The following JPH3 variants were observed in gnomAD, a reference collection of about 807,000 sequenced individuals.
The protein encoded by JPH3 is junctophilin-3.
A neutral mutation model predicts 59.6 loss-of-function variants in JPH3; 11 were observed. The ratio of observed to expected loss-of-function variants is 0.18; its 90% CI spans 0.12 to 0.31. The LOEUF (loss-of-function observed/expected upper bound fraction) is 0.31, where lower values mean the gene tolerates loss of function less well. Ranked by LOEUF, JPH3 falls within the 10% of genes least tolerant of loss-of-function variation. JPH3 has a pLI of 1.00. For synonymous variants in JPH3, 673 were observed against 483.6 expected, an observed-to-expected ratio of 1.39 and a Z score of -5.14; for missense variants, 1,202 against 1,105.7, an observed-to-expected ratio of 1.09 and a Z score of -1.24.
intron 4 of JPH3, among the ~76,000 whole-genome samples, chr16:87,691,159 G>A (rs1011499171): frequency 1.2e-4 from 18 of 151,744 alleles, no homozygotes; most frequent in Admixed American, 4.6e-4. Context: ...GGCTAGACTC[G>A]GCGCGAGGCT....
At chr16:87,626,102 G>C (rs529713766) in intron 1 of JPH3, among the ~76,000 whole-genome samples, 14 of 152,198 alleles carry the variant, frequency 9.2e-5, no homozygotes, top group Non-Finnish European at 1.6e-4. Flanking sequence ...GGTGTTTGGT[G>C]GGGGAGGAGC....
Position 87,690,146 on chromosome 16 carries a change from G to C in JPH3, c.1786G>C (p.Gly596Arg), listed in dbSNP as rs373134894. The C allele has an allele frequency of 6.3e-7, 1 of 1,596,826 alleles. No individual in the cohort carries two copies. Among genetic ancestry groups the C allele is most frequent in the East Asian group, 2.3e-5 (1 of 43,708 alleles). Reference protein sequence around the residue: ...SHHRASNHSPGGSRLLELQEE... With the variant: ...SHHRASNHSPRGSRLLELQEE... ...CCACCGGGCCAGCAACCACAGCCCC[G>C]GAGGCTCCAGGCTGCTGGAGCTGCA... The change falls in exon 4 of 5, where the codon GGA (glycine) becomes CGA (arginine). Residue 596 changes from glycine (G) to arginine (R), a missense_variant. Gly to Arg is a moderately radical substitution (Grantham distance 125, BLOSUM62 -2). Coordinates refer to ENST00000284262, the MANE Select transcript of JPH3 (RefSeq NM_020655.4).
chr16:87,650,674 A>G (rs1353100523), intron 2 of JPH3, among the ~76,000 whole-genome samples: 1 of 152,248 alleles, frequency 6.6e-6, no homozygotes, highest in Non-Finnish European at 1.5e-5. Flanking sequence ...TATTGCTGAT[A>G]TGGAGAAAAT....
intron 1 of JPH3, among the ~76,000 whole-genome samples, chr16:87,638,555 AG>A (rs1246079448): frequency 2.4e-5 from 3 of 124,286 alleles, no homozygotes; most frequent in Non-Finnish European, 5.1e-5. Flanking sequence ...CTCCCCTCTG[AG>A]GACAAGGGTT....
intron 4 of JPH3, chr16:87,695,808 C>CT (rs966874837): frequency 3.3e-5 from 15 of 456,086 alleles, no homozygotes; most frequent in African/African-American, 2.8e-4. Context: ...GGAAAAGGCT[C>CT]TGTTGTGAGA....
chr16:87,674,735 A>T (rs1306332709), intron 2 of JPH3, among the ~76,000 whole-genome samples: 1 of 151,980 alleles, frequency 6.6e-6, no homozygotes, highest in African/African-American at 2.4e-5. Context: ...TTTCTAAAGA[A>T]CTTGTGTTTT....
chr16:87,625,838 A>G (rs2031354519), intron 1 of JPH3, among the ~76,000 whole-genome samples: 1 of 151,990 alleles, frequency 6.6e-6, no homozygotes, highest in South Asian at 2.1e-4. Context: ...CGGCTTGTAG[A>G]CAGCGCAAAG....
At position 87,645,139 on chromosome 16, in the gene JPH3, G is replaced by C. The variant is rs181546407; in HGVS notation, c.1160+104G>C. 25 of 1,185,476 alleles carry C rather than the reference G, an allele frequency of 2.1e-5. No individual in the cohort carries two copies. The African/African-American group carries it at 2.1e-4, about 10-fold the overall frequency. The allele number at this position is 1,185,476 out of a possible 1,614,324, so 73.4% of individuals were successfully genotyped here. A position where few individuals can be genotyped will look rare whatever the true frequency, so the allele number is the denominator to read the frequency against. ...CGCTCAAGGCCTTGGGCTAGGCCCA[G>C]TTTGAGGCCTACACTGGTGTTTCTC... is the stretch of plus-strand genomic sequence containing the variant. On this transcript the variant is annotated intron_variant, in intron 2 of 4. Coordinates refer to ENST00000284262, the MANE Select transcript of JPH3 (RefSeq NM_020655.4).
rs542515052 is a variant in JPH3 at position 87,663,516 on chromosome 16, A to G, written c.1160+18481A>G. Among the ~76,000 whole-genome samples the G allele has an allele frequency of 3.9e-5, 6 of 152,348 alleles. No homozygotes were observed. In the South Asian group the frequency reaches 1.2e-3, roughly 32 times the overall value. Reference sequence around the variant, plus strand: ...ATATATCAGGGAACAGTTTCAAGATAACACAAGTTTCCCGTTTTCCTTTGT... The same window carrying G: ...ATATATCAGGGAACAGTTTCAAGATGACACAAGTTTCCCGTTTTCCTTTGT... On this transcript the variant is annotated intron_variant, in intron 2 of 4. Coordinates refer to ENST00000284262, the MANE Select transcript of JPH3 (RefSeq NM_020655.4).
intron 1 of JPH3, among the ~76,000 whole-genome samples, chr16:87,621,885 T>C (rs1045121193): frequency 6.6e-6 from 1 of 152,170 alleles, no homozygotes; most frequent in Non-Finnish European, 1.5e-5. Flanking sequence ...ATGGGAGACC[T>C]GCACCAAAAT....
At chr16:87,641,045 C>G (rs535308296) in intron 1 of JPH3, among the ~76,000 whole-genome samples, 3 of 152,322 alleles carry the variant, frequency 2.0e-5, no homozygotes, top group Admixed American at 6.5e-5. Context: ...GGTTTCCCCC[C>G]AGTGTGGTTC....
At chr16:87,629,684 G>T (rs574693171) in intron 1 of JPH3, among the ~76,000 whole-genome samples, 72 of 152,142 alleles carry the variant, frequency 4.7e-4, no homozygotes, top group African/African-American at 1.6e-3. Flanking sequence ...CCAGGGTTGG[G>T]GGGGAGGGAG....
intron 2 of JPH3, among the ~76,000 whole-genome samples, chr16:87,657,489 C>A (rs142708695): frequency 2.0e-5 from 3 of 152,130 alleles, no homozygotes; most frequent in Non-Finnish European, 4.4e-5. Flanking sequence ...CGATGCACAG[C>A]GTTGAATGTA....
chr16:87,670,030 T>A (rs1282726856), intron 2 of JPH3, among the ~76,000 whole-genome samples: 2 of 152,092 alleles, frequency 1.3e-5, no homozygotes, highest in Non-Finnish European at 2.9e-5. Flanking sequence ...GCCTTCATCC[T>A]TCCATTCACA....
chr16:87,687,784 C>T (rs1022750055), intron 3 of JPH3, among the ~76,000 whole-genome samples: 7 of 152,270 alleles, frequency 4.6e-5, no homozygotes, highest in African/African-American at 1.7e-4. Context: ...TCTCCTGGGC[C>T]AGCCAGGCCT....
chr16:87,659,905 G>T (rs904511792), intron 2 of JPH3, among the ~76,000 whole-genome samples: 13 of 152,146 alleles, frequency 8.5e-5, no homozygotes, highest in African/African-American at 2.9e-4. Flanking sequence ...CCCAGCCTGG[G>T]GATTAGGCAT....
intron 1 of JPH3, among the ~76,000 whole-genome samples, chr16:87,629,045 C>A (rs1367407961): frequency 6.6e-6 from 1 of 152,092 alleles, no homozygotes; most frequent in Non-Finnish European, 1.5e-5. Flanking sequence ...AAGGCTCCTT[C>A]CAGGCTCCAG....
chr16:87,619,491 C>T (rs4843638), intron 1 of JPH3, among the ~76,000 whole-genome samples: 62,296 of 152,008 alleles, frequency 0.41, 13,631 homozygotes, highest in South Asian at 0.54. Flanking sequence ...GTGTCTGTCT[C>T]TTGGCTCCAG....
chr16:87,630,127 C>A (rs1053444719), intron 1 of JPH3, among the ~76,000 whole-genome samples: 1 of 152,190 alleles, frequency 6.6e-6, no homozygotes, highest in Non-Finnish European at 1.5e-5. Context: ...GTCTTGTCCC[C>A]ACAGCACAGA....
Sources: gnomAD v4.1 joint callset for allele counts (sites outside exome capture counted in the v4.1 genomes callset) on GRCh38, gnomAD v4.1.1 for gene constraint, MANE v1.5 for transcripts, NCBI Gene and HGNC (gene_info 2026-07-23, HGNC 2026-07-21) for gene names.